The following SRPK1 variants were observed in gnomAD, a reference collection of about 807,000 sequenced individuals.
SRPK1 encodes SFRS protein kinase 1.
Under a neutral mutation model 89.5 loss-of-function variants are expected in SRPK1, and 52 were observed. The ratio of observed to expected loss-of-function variants is 0.58; its 90% CI spans 0.46 to 0.73. The LOEUF is 0.73. Ranked by LOEUF, SRPK1 falls within the 30% of genes least tolerant of loss-of-function variation. SRPK1 has a pLI of 0.00. For synonymous variants in SRPK1, 255 were observed against 270.2 expected, an observed-to-expected ratio of 0.94 and a Z score of 0.55; for missense variants, 603 against 780.6, an observed-to-expected ratio of 0.77 and a Z score of 2.71.
intron 2 of SRPK1, among the ~76,000 whole-genome samples, chr6:35,893,915 G>A (rs1770574260): frequency 6.6e-6 from 1 of 152,062 alleles, no homozygotes. Context: ...GGAGGCTGAG[G>A]TGTGAGAATT....
chr6:35,845,491 C>T (rs887306826), intron 13 of SRPK1, among the ~76,000 whole-genome samples: 1 of 152,088 alleles, frequency 6.6e-6, no homozygotes, highest in Non-Finnish European at 1.5e-5. Flanking sequence ...TAGACTATTG[C>T]CTTTGAGAAG....
intron 14 of SRPK1, among the ~76,000 whole-genome samples, 180 bp downstream of exon 14, chr6:35,842,355 T>C (rs951688246): frequency 2.0e-5 from 3 of 152,238 alleles, no homozygotes; most frequent in Admixed American, 2.0e-4. Flanking sequence ...AGCTCTTTAG[T>C]ATCTTTCAGA....
intron 6 of SRPK1, among the ~76,000 whole-genome samples, chr6:35,885,913 T>C (rs1432375413): frequency 6.6e-6 from 1 of 152,190 alleles, no homozygotes; most frequent in Non-Finnish European, 1.5e-5. Flanking sequence ...TTCATTATAA[T>C]AGAATGTGAA....
rs757656755 is a variant in SRPK1, at chr6:35,869,102, T to C, written c.1420A>G (p.Thr474Ala). ...NGPLDNKGKS[T>A]AGNFLVNPLE... is the part of the protein sequence containing the mutation. ...GGATTAACAAGAAAATTTCCAGCCG[T>C]GGATTTTCCTACAGACAACAGGCAT... The change falls in exon 12 of 16, where the codon ACG (threonine) becomes GCG (alanine). Residue 474 changes from threonine to alanine, a missense_variant. Coordinates refer to ENST00000373825, the MANE Select transcript of SRPK1 (RefSeq NM_003137.5). The C allele has an allele frequency of 5.0e-6, 8 of 1,613,080 alleles. No individual in the cohort carries two copies. In the East Asian group the frequency reaches 8.9e-5, roughly 18 times the overall value.
At chr6:35,894,344 C>T (rs776066253) in intron 2 of SRPK1, among the ~76,000 whole-genome samples, 1 of 152,088 alleles carries the variant, frequency 6.6e-6, no homozygotes, top group Non-Finnish European at 1.5e-5. Flanking sequence ...TAAACTTGAC[C>T]ATTCCCTAAA....
intron 13 of SRPK1, among the ~76,000 whole-genome samples, chr6:35,846,074 G>A (rs1769419215): frequency 6.6e-6 from 1 of 152,160 alleles, no homozygotes; most frequent in Admixed American, 6.6e-5. Flanking sequence ...TAGGGGAAAA[G>A]GGAAACACGG....
At chr6:35,862,517 T>C (rs1314026177) in intron 12 of SRPK1, among the ~76,000 whole-genome samples, 7 of 151,776 alleles carry the variant, frequency 4.6e-5, no homozygotes, top group African/African-American at 1.2e-4. Context: ...TTCAGAAAAA[T>C]ATTCTCCCCT....
chr6:35,863,891 T>C (rs1769839705), intron 12 of SRPK1, among the ~76,000 whole-genome samples: 1 of 152,198 alleles, frequency 6.6e-6, no homozygotes, highest in Non-Finnish European at 1.5e-5. Context: ...TAAACTACTC[T>C]TACCCTAAGT....
At chr6:35,896,961 G>C (rs1330145534) in intron 2 of SRPK1, among the ~76,000 whole-genome samples, 1 of 152,156 alleles carries the variant, frequency 6.6e-6, no homozygotes, top group East Asian at 1.9e-4. Flanking sequence ...AGTTACAAAA[G>C]ACCACATAAT....
At chr6:35,919,990 TGAAAG>T (rs1771192705) in intron 2 of SRPK1, 4 of 441,626 alleles carry the variant, frequency 9.1e-6, no homozygotes, top group Admixed American at 2.5e-5. Flanking sequence ...CCCTCCTCTA[TGAAAG>T]GGAGTGTGTG....
intron 6 of SRPK1, among the ~76,000 whole-genome samples, chr6:35,876,982 T>C (rs886965130): frequency 5.9e-5 from 9 of 152,062 alleles, no homozygotes; most frequent in Admixed American, 5.9e-4. Context: ...GAGAGAAATT[T>C]GGAGATTTGC....
At chr6:35,875,114 T>C (rs1259946936) in intron 6 of SRPK1, among the ~76,000 whole-genome samples, 2 of 152,180 alleles carry the variant, frequency 1.3e-5, no homozygotes, top group Non-Finnish European at 2.9e-5. Flanking sequence ...CCTGAGCTCC[T>C]TGGAAAAATG....
chr6:35,839,864 G>A (rs1040736217), intron 14 of SRPK1, among the ~76,000 whole-genome samples: 1 of 151,896 alleles, frequency 6.6e-6, no homozygotes, highest in Non-Finnish European at 1.5e-5. Flanking sequence ...ATCTGTAGTA[G>A]AGACAGGGTT....
intron 2 of SRPK1, chr6:35,904,921 C>T (rs770244955): frequency 4.8e-6 from 2 of 419,482 alleles, no homozygotes. Context: ...GTGAGAGGAT[C>T]CCTTGAGGCC....
At chr6:35,849,695 C>G (rs575507775) in intron 13 of SRPK1, among the ~76,000 whole-genome samples, 26 of 152,216 alleles carry the variant, frequency 1.7e-4, no homozygotes, top group African/African-American at 6.3e-4. Context: ...ACATGACACG[C>G]AAAGGAAATG....
At chr6:35,850,486 A>G (rs1340042375) in intron 13 of SRPK1, among the ~76,000 whole-genome samples, 2 of 152,220 alleles carry the variant, frequency 1.3e-5, no homozygotes, top group African/African-American at 2.4e-5. Flanking sequence ...GAAGGTTGGG[A>G]AACTCCAGAG....
At chr6:35,892,641 G>C (rs1319242171) in intron 2 of SRPK1, among the ~76,000 whole-genome samples, 1 of 143,356 alleles carries the variant, frequency 7.0e-6, no homozygotes, top group Non-Finnish European at 1.5e-5. Context: ...AACAGGGCAA[G>C]ATTCTGTCTA....
chr6:35,885,298 C>CACACACACACACAGAGAG (rs1276672274), intron 6 of SRPK1, among the ~76,000 whole-genome samples: 3 of 113,114 alleles, frequency 2.7e-5, no homozygotes, highest in African/African-American at 1.1e-4. Flanking sequence ...CACACACACA[C>CACACACACACACAGAGAG]AGAGAGAGAG....
chr6:35,878,415 G>C (rs1456426010), intron 6 of SRPK1, among the ~76,000 whole-genome samples: 2 of 152,172 alleles, frequency 1.3e-5, no homozygotes, highest in Non-Finnish European at 2.9e-5. Flanking sequence ...TCCCCACCTA[G>C]ACAACCAATG....
Sources: allele counts gnomAD v4.1 joint callset (sites outside exome capture counted in the v4.1 genomes callset), GRCh38; gene constraint gnomAD v4.1.1; transcripts MANE v1.5; gene names NCBI Gene and HGNC (gene_info 2026-07-23, HGNC 2026-07-21).